PIK3CB: variants seen among roughly 807,000 people sequenced by gnomAD.
The protein encoded by PIK3CB is phosphatidylinositol-4,5-bisphosphate 3-kinase catalytic subunit beta, also known as phosphatidylinositol 4,5-bisphosphate 3-kinase catalytic subunit beta isoform.
A neutral mutation model predicts 136.8 loss-of-function variants in PIK3CB; 39 were observed. The observed-to-expected ratio is 0.29, with a 90% CI of 0.22 to 0.37. The LOEUF is 0.37. Among genes scored for constraint, PIK3CB ranks in the 10% least tolerant of loss-of-function variants. The pLI, the probability that PIK3CB is intolerant of heterozygous loss-of-function variation, is 1.00. For missense variants in PIK3CB, 868 were observed against 1,275.4 expected, an observed-to-expected ratio of 0.68 and a Z score of 4.87; for synonymous variants, 428 against 436.6, an observed-to-expected ratio of 0.98 and a Z score of 0.25.
At chr3:138,776,411 C>T (rs1163630335) in intron 2 of PIK3CB, among the ~76,000 whole-genome samples, 10 of 152,106 alleles carry the variant, frequency 6.6e-5, no homozygotes, top group South Asian at 2.1e-4. Flanking sequence ...AATCTAAGGC[C>T]GGGAGTGGTG....
intron 2 of PIK3CB, among the ~76,000 whole-genome samples, chr3:138,794,900 T>A (rs2046091704): frequency 6.6e-6 from 1 of 152,170 alleles, no homozygotes. Flanking sequence ...TCTTGCTGGG[T>A]GAGCCTGGTG....
At chr3:138,834,515 G>A (rs1934184432) in intron 1 of PIK3CB, among the ~76,000 whole-genome samples, 180 bp downstream of exon 1, 1 of 152,158 alleles carries the variant, frequency 6.6e-6, no homozygotes. Context: ...GCCCCCACCG[G>A]CCGGTAGGCG....
intron 2 of PIK3CB, chr3:138,778,764 T>C: frequency 7.2e-6 from 2 of 276,396 alleles, no homozygotes; most frequent in Non-Finnish European, 1.4e-5. Flanking sequence ...GACAATGAAT[T>C]TGGCTACAGC....
intron 17 of PIK3CB, 36 bp downstream of exon 17, chr3:138,684,589 C>G: frequency 6.6e-7 from 1 of 1,512,182 alleles, no homozygotes; most frequent in African/African-American, 1.4e-5. Context: ...GCTTGCTATT[C>G]ATAGGAGATT....
intron 1 of PIK3CB, among the ~76,000 whole-genome samples, chr3:138,822,335 C>G (rs1933593568): frequency 6.6e-6 from 1 of 151,976 alleles, no homozygotes; most frequent in South Asian, 2.1e-4. Flanking sequence ...AAGGGCAGAT[C>G]AGGAGTTCGA....
rs77857536 is a variant in PIK3CB at position 138,807,997 on chromosome 3, C to A, written c.-121-11430G>T. Among the ~76,000 whole-genome samples, 573 of 151,796 alleles carry A rather than the reference C, an allele frequency of 3.8e-3. 5 individuals are homozygous for A. Among genetic ancestry groups the A allele is most frequent in the African/African-American group, 0.013 (550 of 41,392 alleles). On this transcript the variant is annotated intron_variant, in intron 1 of 23. Transcript: ENST00000674063. ...AACTCGAGGGTTTTTTTTAAAAACA[C>A]AATTAAGCACTACACCACATGTTGC...
At chr3:138,784,108 C>T (rs975198663) in intron 2 of PIK3CB, among the ~76,000 whole-genome samples, 3 of 152,140 alleles carry the variant, frequency 2.0e-5, no homozygotes, top group Non-Finnish European at 4.4e-5. Flanking sequence ...AATGCTTATC[C>T]GGGCCAGGCA....
intron 1 of PIK3CB, chr3:138,825,659 C>T (rs934391223): frequency 6.2e-6 from 4 of 643,524 alleles, no homozygotes; most frequent in South Asian, 5.6e-5. Context: ...CTACCACTAA[C>T]TCATCCAACT....
chr3:138,824,918 A>T, intron 1 of PIK3CB: 1 of 149,578 alleles, frequency 6.7e-6, no homozygotes, highest in Non-Finnish European at 1.5e-5. Flanking sequence ...AAAAAAAGTT[A>T]GCTGGGCATA....
chr3:138,715,311 G>A (rs971975693), intron 8 of PIK3CB, among the ~76,000 whole-genome samples: 7 of 152,172 alleles, frequency 4.6e-5, no homozygotes, highest in African/African-American at 1.7e-4. Flanking sequence ...TGCGTAAGAT[G>A]TCCCAGACAA....
chr3:138,725,565 G>A (rs1183682489), intron 8 of PIK3CB, among the ~76,000 whole-genome samples: 2 of 152,144 alleles, frequency 1.3e-5, no homozygotes, highest in Non-Finnish European at 2.9e-5. Flanking sequence ...TGGAAAATTT[G>A]TATTGATTAA....
chr3:138,809,575 C>T (rs1349092876), intron 1 of PIK3CB, among the ~76,000 whole-genome samples: 1 of 130,692 alleles, frequency 7.7e-6, no homozygotes, highest in Non-Finnish European at 1.5e-5. Flanking sequence ...CATTGCACTC[C>T]AGCCTGGGGG....
At chr3:138,706,309 T>C (rs2044376848) in intron 11 of PIK3CB, among the ~76,000 whole-genome samples, 1 of 152,198 alleles carries the variant, frequency 6.6e-6, no homozygotes, top group African/African-American at 2.4e-5. Flanking sequence ...GCATGTAAAT[T>C]ACCATAGCCC....
chr3:138,751,375 G>A (rs946493123), intron 4 of PIK3CB, among the ~76,000 whole-genome samples: 12 of 151,774 alleles, frequency 7.9e-5, no homozygotes, highest in South Asian at 4.2e-4. Flanking sequence ...GGAGAATGGC[G>A]TGAACCCAGG....
At chr3:138,763,330 G>A (rs193007188) in intron 2 of PIK3CB, among the ~76,000 whole-genome samples, 69 of 152,096 alleles carry the variant, frequency 4.5e-4, no homozygotes, top group African/African-American at 1.6e-3. Context: ...GTAGAGATGG[G>A]GTTTCACCAT....
intron 3 of PIK3CB, 105 bp downstream of exon 3, chr3:138,759,068 A>G: frequency 1.5e-6 from 1 of 688,398 alleles, no homozygotes. Context: ...CTTCATTACT[A>G]TCATTATCAC....
intron 10 of PIK3CB, among the ~76,000 whole-genome samples, chr3:138,710,499 G>A (rs987288360): frequency 1.3e-5 from 2 of 151,718 alleles, no homozygotes; most frequent in Non-Finnish European, 2.9e-5. Context: ...ATAAAGACAG[G>A]AAAAAAGAAA....
intron 1 of PIK3CB, among the ~76,000 whole-genome samples, chr3:138,823,226 A>C (rs1321592925): frequency 6.6e-6 from 1 of 151,886 alleles, no homozygotes; most frequent in Admixed American, 6.6e-5. Flanking sequence ...GTTACAGGCC[A>C]GCTGGGCAAC....
chr3:138,727,032 G>A (rs201179209), intron 8 of PIK3CB, among the ~76,000 whole-genome samples: 1 of 151,938 alleles, frequency 6.6e-6, no homozygotes, highest in Non-Finnish European at 1.5e-5. Context: ...CCTGGGTGAC[G>A]GAGCAAGACT....
Sources: allele counts gnomAD v4.1 joint callset (sites outside exome capture counted in the v4.1 genomes callset), GRCh38; gene constraint gnomAD v4.1.1; transcripts MANE v1.5; gene names NCBI Gene and HGNC (gene_info 2026-07-23, HGNC 2026-07-21).